Variants in CECR2 observed in about 807,000 individuals in gnomAD.
CECR2 encodes the protein chromatin remodeling regulator CECR2.
Under a neutral mutation model 154.5 loss-of-function variants are expected in CECR2, and 30 were observed. That is an observed-to-expected ratio of 0.19 (90% CI 0.15 to 0.26). The LOEUF is 0.26. Among genes scored for constraint, CECR2 ranks in the 10% least tolerant of loss-of-function variants. The pLI is 1.00. For missense variants in CECR2, 1,743 were observed against 1,829.3 expected (o/e 0.95, Z 0.86); for synonymous variants, 725 against 683.7 (o/e 1.06, Z -0.94).
intron 8 of CECR2, among the ~76,000 whole-genome samples, chr22:17,523,194 C>G (rs2056188804): frequency 6.6e-6 from 1 of 151,638 alleles, no homozygotes; most frequent in African/African-American, 2.4e-5. Flanking sequence ...ACCAGCCTGG[C>G]CAACATGGCG....
chr22:17,515,762 A>G (rs1374083261), intron 8 of CECR2, among the ~76,000 whole-genome samples: 2 of 147,362 alleles, frequency 1.4e-5, no homozygotes, highest in Non-Finnish European at 3.0e-5. Context: ...TGCAAGCTCC[A>G]CCTCCCAGGT....
In CECR2 at chr22:17,477,697, T is replaced by A; in HGVS notation, c.221+15T>A. The A allele has an allele frequency of 1.3e-6, 2 of 1,566,660 alleles. No homozygotes were observed. Among genetic ancestry groups the A allele is most frequent in the Middle Eastern group, 1.7e-4 (1 of 5,982 alleles). Reference sequence around the variant, plus strand: ...AGAGATATCACGTGAGTAATTCTGATCTTTCTAAGCATTTCTTGCGCCAAG... The same window carrying A: ...AGAGATATCACGTGAGTAATTCTGAACTTTCTAAGCATTTCTTGCGCCAAG... On this transcript the variant is annotated intron_variant, in intron 2 of 18. Transcript: ENST00000262608.
intron 1 of CECR2, among the ~76,000 whole-genome samples, chr22:17,428,775 G>A (rs1005826326): frequency 1.5e-5 from 2 of 130,988 alleles, no homozygotes; most frequent in Admixed American, 7.5e-5. Context: ...ACTGCACCCA[G>A]ATGAGAAAAA....
intron 8 of CECR2, chr22:17,519,146 G>T: frequency 6.5e-6 from 1 of 154,340 alleles, no homozygotes; most frequent in Non-Finnish European, 1.4e-5. Context: ...ATAGTAAGTG[G>T]TTTCTTTCAC....
chr22:17,381,396 G>A (rs955866877), intron 1 of CECR2, among the ~76,000 whole-genome samples: 5 of 152,044 alleles, frequency 3.3e-5, no homozygotes, highest in Non-Finnish European at 7.3e-5. Flanking sequence ...AACACTTCAC[G>A]ACTCTGCGTG....
rs1333171401 is a variant in CECR2, at chr22:17,496,499, CAAAA to C, written c.222-896_222-893del. On this transcript the variant is annotated intron_variant, in intron 2 of 18. Coordinates refer to ENST00000262608, the MANE Select transcript of CECR2 (RefSeq NM_001290047.2). ...TGGGTGACAGAGCGAGACTCTGTCTCAAAAAAAAAAAGAAAGAAAGAAAAATCAA... is the reference window on the plus strand; with the variant it reads ...TGGGTGACAGAGCGAGACTCTGTCTCAAAAAAAGAAAGAAAGAAAAATCAA... Among the ~76,000 whole-genome samples, 3 of 106,222 alleles carry C rather than the reference CAAAA, an allele frequency of 2.8e-5. No individual in the cohort carries two copies. In the East Asian group the frequency reaches 7.2e-4, roughly 25 times the overall value. 69.7% of individuals were successfully genotyped at this position (106,222 alleles called of 152,430 possible).
chr22:17,516,316 A>G (rs2056054830), intron 8 of CECR2, among the ~76,000 whole-genome samples: 1 of 152,166 alleles, frequency 6.6e-6, no homozygotes, highest in South Asian at 2.1e-4. Flanking sequence ...GTATATATAC[A>G]TATATACATG....
At chr22:17,432,046 C>G (rs2054432769) in intron 1 of CECR2, among the ~76,000 whole-genome samples, 1 of 149,402 alleles carries the variant, frequency 6.7e-6, no homozygotes, top group South Asian at 2.1e-4. Flanking sequence ...CACTTTGTGC[C>G]TGTATGGATT....
At position 17,427,698 on chromosome 22, in the gene CECR2, G is replaced by A. The variant is rs534338181; in HGVS notation, c.127-49890G>A. On this transcript the variant is annotated intron_variant, in intron 1 of 18. Coordinates refer to ENST00000262608, the MANE Select transcript of CECR2 (RefSeq NM_001290047.2). ...GTGGAAGGGGACCAGGGCAGGTTGC[G>A]GCTGCTGGCTTGGATGGCCAGCTTT... 2.6e-5 allele frequency among the ~76,000 whole-genome samples: 4 copies of A among 152,252 alleles called. No homozygotes were observed. In the East Asian group the frequency reaches 5.8e-4, roughly 22 times the overall value.
chr22:17,548,635 T>G lies in CECR2; in HGVS notation c.3348T>G (p.Phe1116Leu), dbSNP rs2056653922. The G allele has an allele frequency of 6.2e-7, 1 of 1,612,988 alleles. No individual in the cohort carries two copies. Among genetic ancestry groups the G allele is most frequent in the African/African-American group, 1.3e-5 (1 of 74,984 alleles). ...PGLTGGTVSQ[F>L]PPLYMPGLEY... Reference sequence around the variant, plus strand: ...TGACGGGAGGCACTGTGAGCCAGTTTCCCCCGCTGTATATGCCTGGCCTAG... The same window carrying G: ...TGACGGGAGGCACTGTGAGCCAGTTGCCCCCGCTGTATATGCCTGGCCTAG... Residue 1116 changes from phenylalanine (F) to leucine (L), a missense_variant, in exon 17 of 19, where the codon TTT becomes TTG. Transcript: ENST00000262608.
chr22:17,415,874 A>T (rs1259611329), intron 1 of CECR2, among the ~76,000 whole-genome samples: 3 of 152,190 alleles, frequency 2.0e-5, no homozygotes, highest in African/African-American at 7.2e-5. Context: ...CCGTCGGTCC[A>T]TTGTGTAGCA....
At chr22:17,493,886 A>G (rs556641945) in intron 2 of CECR2, among the ~76,000 whole-genome samples, 2 of 152,312 alleles carry the variant, frequency 1.3e-5, no homozygotes, top group African/African-American at 2.4e-5. Flanking sequence ...TGAAGCTGCT[A>G]TTCTGGTGAA....
chr22:17,420,769 A>G (rs943814620), intron 1 of CECR2, among the ~76,000 whole-genome samples: 2 of 152,156 alleles, frequency 1.3e-5, no homozygotes, highest in Non-Finnish European at 2.9e-5. Context: ...TCTTATTTAT[A>G]CTTTTATCAC....
At chr22:17,365,548 C>CT (rs2146423270), upstream of CECR2, among the ~76,000 whole-genome samples, 1 of 150,310 alleles carries the variant, frequency 6.7e-6, no homozygotes, top group East Asian at 2.0e-4. Flanking sequence ...CAAAAAAAAT[C>CT]AGCCAGGCGT....
rs751409657 is a variant in CECR2, at chr22:17,549,322, G to A, written c.4035G>A (p.Thr1345=). ...AFPPHSVMLQ[T]GPPYTPQRPA... ...CACCCCACAGTGTGATGCTGCAGACGGGGCCTCCCTATACCCCTCAGCGGC... is the reference window on the plus strand; with the variant it reads ...CACCCCACAGTGTGATGCTGCAGACAGGGCCTCCCTATACCCCTCAGCGGC... Residue 1345 remains threonine (T), a synonymous_variant, in exon 17 of 19, where the codon ACG becomes ACA. Transcript: ENST00000262608. 1.8e-5 allele frequency: 29 copies of A among 1,613,804 alleles called. No homozygotes were observed. The highest frequency in any genetic ancestry group is 1.6e-4 in the African/African-American group (12 of 74,902).
At chr22:17,415,308 G>A (rs1396590135) in intron 1 of CECR2, among the ~76,000 whole-genome samples, 2 of 152,054 alleles carry the variant, frequency 1.3e-5, no homozygotes, top group African/African-American at 2.4e-5. Context: ...CACAATCTCA[G>A]CTCACTGCAA....
intron 1 of CECR2, among the ~76,000 whole-genome samples, chr22:17,392,764 G>A (rs1332882898): frequency 2.0e-5 from 3 of 152,084 alleles, no homozygotes; most frequent in African/African-American, 7.2e-5. Context: ...CAAGTAGGCC[G>A]GGCACGGTGG....
intron 1 of CECR2, among the ~76,000 whole-genome samples, chr22:17,386,690 G>A (rs1327663493): frequency 1.3e-4 from 18 of 143,056 alleles, no homozygotes. Flanking sequence ...TTTCACTCTT[G>A]TCCAGGCTCG....
chr22:17,542,176 G>A lies in CECR2; in HGVS notation c.2033G>A (p.Ser678Asn). 6.2e-7 allele frequency: 1 copy of A among 1,610,854 alleles called. No individual in the cohort carries two copies. The highest frequency in any genetic ancestry group is 1.7e-5 in the Admixed American group (1 of 59,798). ...TGCCAGCCTCCAGTTGGAATTAACA[G>A]CCTCCGAGGACCCAGGCTAGGCACA... is the stretch of plus-strand genomic sequence containing the variant. Reference protein sequence around the residue: ...FTMQPPVGINSLRGPRLGTPE... With the variant: ...FTMQPPVGINNLRGPRLGTPE... Residue 678 changes from serine (S) to asparagine (N), a missense_variant, in exon 16 of 19, where the codon AGC (serine) becomes AAC (asparagine). This residue lies in a region of CECR2 where 1,250 missense variants were observed against 1,192.1 expected (regional missense o/e 1.05). Transcript: ENST00000262608.
Sources: allele counts gnomAD v4.1 joint callset (sites outside exome capture counted in the v4.1 genomes callset), GRCh38; gene constraint gnomAD v4.1.1; regional missense constraint gnomAD v4.1.1; transcripts MANE v1.5; gene names NCBI Gene and HGNC (gene_info 2026-07-23, HGNC 2026-07-21).